KCNMA1: variants seen among roughly 807,000 people sequenced by gnomAD.
KCNMA1 encodes the protein Calcium-activated potassium channel subunit alpha-1.
In KCNMA1, 29 loss-of-function variants were observed where a neutral mutation model predicts 140.0. That is an observed-to-expected ratio of 0.21 (90% CI 0.15 to 0.28). KCNMA1 has a LOEUF of 0.28. KCNMA1 is among the 10% of genes least tolerant of loss of function. KCNMA1 has a pLI of 1.00. For synonymous variants in KCNMA1, 612 were observed against 611.9 expected (o/e 1.00, Z 0.00); for missense variants, 880 against 1,602.2 (o/e 0.55, Z 7.70).
At chr10:77,447,024 C>T (rs553748809) in intron 1 of KCNMA1, among the ~76,000 whole-genome samples, 13 of 152,346 alleles carry the variant, frequency 8.5e-5, no homozygotes, top group Non-Finnish European at 1.6e-4. Flanking sequence ...CCCCCAACCT[C>T]ACCTCGAAGA....
chr10:77,065,120 T>A (rs1035236495), intron 14 of KCNMA1, among the ~76,000 whole-genome samples: 10 of 152,178 alleles, frequency 6.6e-5, no homozygotes, highest in African/African-American at 2.4e-4. Flanking sequence ...ATTCATTTAC[T>A]CCACAAACAC....
At chr10:76,969,907 G>C in intron 20 of KCNMA1, 67 bp downstream of exon 20, 1 of 1,264,920 alleles carries the variant, frequency 7.9e-7, no homozygotes, top group Non-Finnish European at 1.2e-6. Flanking sequence ...GGCAGGGTGA[G>C]GAGAGGGCGA....
intron 1 of KCNMA1, among the ~76,000 whole-genome samples, chr10:77,487,466 A>AAG (rs371857297): frequency 1.0e-3 from 157 of 152,132 alleles, no homozygotes; most frequent in Admixed American, 2.4e-3. Flanking sequence ...TGCAATACAA[A>AAG]AGAGAGAGAG....
chr10:77,636,345 G>T (rs1292217923), intron 1 of KCNMA1: 10 of 1,529,452 alleles, frequency 6.5e-6, no homozygotes, highest in Non-Finnish European at 8.8e-6. Flanking sequence ...CATCGAAGGT[G>T]TCGCCAGCCT....
chr10:77,053,339 T>G (rs1308112754), intron 14 of KCNMA1, among the ~76,000 whole-genome samples: 1 of 152,200 alleles, frequency 6.6e-6, no homozygotes, highest in African/African-American at 2.4e-5. Context: ...TGGGAAAGAA[T>G]AGTCAGCAAA....
At chr10:77,612,812 C>A (rs748124501) in intron 1 of KCNMA1, among the ~76,000 whole-genome samples, 1 of 152,142 alleles carries the variant, frequency 6.6e-6, no homozygotes, top group Non-Finnish European at 1.5e-5. Context: ...CCCTGACACA[C>A]CTCCTTGCCC....
intron 5 of KCNMA1, among the ~76,000 whole-genome samples, chr10:77,162,505 G>T (rs1002498375): frequency 2.6e-5 from 4 of 152,110 alleles, no homozygotes; most frequent in Non-Finnish European, 5.9e-5. Flanking sequence ...AGAAAAGATG[G>T]GGGTTTTTGT....
At chr10:76,893,782 G>C in intron 25 of KCNMA1, among the ~76,000 whole-genome samples, 1 of 151,956 alleles carries the variant, frequency 6.6e-6, no homozygotes, top group East Asian at 1.9e-4. Flanking sequence ...ATATATTGAA[G>C]GAGGAACAAG....
At chr10:77,302,912 A>C (rs2076868532) in intron 2 of KCNMA1, among the ~76,000 whole-genome samples, 1 of 152,166 alleles carries the variant, frequency 6.6e-6, no homozygotes, top group South Asian at 2.1e-4. Context: ...CTTGGCTTTC[A>C]GACTTTAAAC....
intron 5 of KCNMA1, among the ~76,000 whole-genome samples, chr10:77,152,902 C>T (rs764521344): frequency 9.9e-5 from 15 of 152,232 alleles, no homozygotes; most frequent in South Asian, 4.1e-4. Context: ...GGACTGATTG[C>T]GACCCTGCAC....
intron 1 of KCNMA1, among the ~76,000 whole-genome samples, chr10:77,576,126 G>A (rs1215022202): frequency 6.6e-6 from 1 of 152,206 alleles, no homozygotes; most frequent in African/African-American, 2.4e-5. Flanking sequence ...TGCCCAGGAG[G>A]TTTGGGTGGA....
chr10:77,505,388 T>C (rs2154546344), intron 1 of KCNMA1, among the ~76,000 whole-genome samples: 1 of 152,310 alleles, frequency 6.6e-6, no homozygotes, highest in South Asian at 2.1e-4. Flanking sequence ...TGAAGGCAAA[T>C]AAGAGCTTTA....
At chr10:77,294,272 T>C (rs1160948930) in intron 2 of KCNMA1, among the ~76,000 whole-genome samples, 1 of 152,214 alleles carries the variant, frequency 6.6e-6, no homozygotes, top group Non-Finnish European at 1.5e-5. Flanking sequence ...GGTGTACTTA[T>C]CATCCTTGAC....
At chr10:77,497,020 C>G (rs574308809) in intron 1 of KCNMA1, among the ~76,000 whole-genome samples, 1 of 152,192 alleles carries the variant, frequency 6.6e-6, no homozygotes, top group African/African-American at 2.4e-5. Flanking sequence ...AGGACCCAGG[C>G]GAACAAAAGG....
At chr10:77,402,876 C>T (rs2096321962) in intron 2 of KCNMA1, among the ~76,000 whole-genome samples, 1 of 152,188 alleles carries the variant, frequency 6.6e-6, no homozygotes, top group Non-Finnish European at 1.5e-5. Context: ...GTGGCCCAAA[C>T]AAAACAGCTT....
At chr10:77,368,515 A>G (rs954426935) in intron 2 of KCNMA1, among the ~76,000 whole-genome samples, 3 of 152,328 alleles carry the variant, frequency 2.0e-5, no homozygotes, top group Admixed American at 2.0e-4. Context: ...TCATAATAGT[A>G]TCTTTCACAG....
intron 10 of KCNMA1, among the ~76,000 whole-genome samples, chr10:77,088,561 C>T (rs903440100): frequency 1.3e-5 from 2 of 152,072 alleles, no homozygotes; most frequent in African/African-American, 2.4e-5. Context: ...TCCAGAGTAG[C>T]GAGGGCTACA....
intron 1 of KCNMA1, among the ~76,000 whole-genome samples, chr10:77,474,264 C>T (rs2098229793): frequency 6.6e-6 from 1 of 152,136 alleles, no homozygotes; most frequent in South Asian, 2.1e-4. Flanking sequence ...TATCCTAATC[C>T]CCAGGACCTC....
chr10:77,588,987 G>C (rs1304099788), intron 1 of KCNMA1, among the ~76,000 whole-genome samples: 1 of 152,224 alleles, frequency 6.6e-6, no homozygotes, highest in Non-Finnish European at 1.5e-5. Flanking sequence ...AGACTGTGCA[G>C]GCCAGTTAGT....
Sources: gnomAD v4.1 joint callset for allele counts (sites outside exome capture counted in the v4.1 genomes callset) on GRCh38, gnomAD v4.1.1 for gene constraint, MANE v1.5 for transcripts, NCBI Gene and HGNC (gene_info 2026-07-23, HGNC 2026-07-21) for gene names.